Variants in DGKB observed in about 807,000 individuals in gnomAD.
DGKB encodes the protein 90 kDa diacylglycerol kinase.
A neutral mutation model predicts 114.3 loss-of-function variants in DGKB; 67 were observed. The observed-to-expected ratio is 0.59, with a 90% CI of 0.48 to 0.72. The LOEUF is 0.72. Among genes scored for constraint, DGKB ranks in the 30% least tolerant of loss-of-function variants. The pLI is 0.00. For missense variants in DGKB, 907 were observed against 975.2 expected (o/e 0.93, Z 0.93); for synonymous variants, 398 against 323.1 (o/e 1.23, Z -2.49).
chr7:14,701,962 CACTAAAAAGT>C (rs1825275844), intron 6 of DGKB, among the ~76,000 whole-genome samples: 1 of 152,088 alleles, frequency 6.6e-6, no homozygotes, highest in African/African-American at 2.4e-5. Flanking sequence ...TTCTAGAAGA[CACTAAAAAGT>C]ACTATTATTT....
intron 21 of DGKB, among the ~76,000 whole-genome samples, chr7:14,407,109 G>C (rs1163275644): frequency 6.6e-6 from 1 of 152,050 alleles, no homozygotes; most frequent in Non-Finnish European, 1.5e-5. Context: ...GTAGAAGTCA[G>C]AAAGTGAGGG....
intron 13 of DGKB, among the ~76,000 whole-genome samples, chr7:14,648,146 G>A (rs1042088925): frequency 6.6e-6 from 1 of 152,240 alleles, no homozygotes; most frequent in Non-Finnish European, 1.5e-5. Flanking sequence ...GCCCACCACA[G>A]CTCAAGGAGG....
Position 14,698,146 on chromosome 7 carries a change from C to A in DGKB, c.540G>T (p.Gln180His). The change falls in exon 8 of 26, where the codon CAG (glutamine) becomes CAT (histidine). Residue 180 changes from glutamine (Q) to histidine (H), a missense_variant. Coordinates refer to ENST00000402815, the MANE Select transcript of DGKB (RefSeq NM_001350709.2). ...DSSELENIIS[Q>H]MMHVAEYLEW... is the part of the protein sequence containing the mutation. ...CAAGGTATTCTGCAACATGCATCAT[C>A]TGACTGATGATATTTTCTAGCTCCT... The A allele has an allele frequency of 6.5e-7, 1 of 1,532,460 alleles. No individual in the cohort carries two copies. Among genetic ancestry groups the A allele is most frequent in the Non-Finnish European group, 8.7e-7 (1 of 1,143,678 alleles). 94.9% of individuals were successfully genotyped at this position (1,532,460 alleles called of 1,614,324 possible). A position where few individuals can be genotyped will look rare whatever the true frequency, so the allele number is the denominator to read the frequency against.
At chr7:14,531,698 G>A (rs1211773211) in intron 20 of DGKB, among the ~76,000 whole-genome samples, 4 of 151,216 alleles carry the variant, frequency 2.6e-5, no homozygotes, top group Non-Finnish European at 4.5e-5. Context: ...ATGATTCTAT[G>A]TGGAGAGAAA....
chr7:14,873,656 T>C (rs185744801), intron 1 of DGKB, among the ~76,000 whole-genome samples: 4 of 152,040 alleles, frequency 2.6e-5, no homozygotes, highest in East Asian at 3.9e-4. Context: ...TATATATATA[T>C]ACACATACAT....
intron 23 of DGKB, among the ~76,000 whole-genome samples, chr7:14,316,522 T>C (rs1806562560): frequency 7.7e-6 from 1 of 129,668 alleles, no homozygotes. Context: ...GCAAATAAAC[T>C]AGAAAATCTA....
At position 14,478,300 on chromosome 7, in the gene DGKB, A is replaced by C. The variant is rs923024456; in HGVS notation, c.1771-75T>G. 5 of 860,274 alleles carry C rather than the reference A, an allele frequency of 5.8e-6. No homozygotes were observed. In the African/African-American group the frequency reaches 6.9e-5, roughly 12 times the overall value. The allele number at this position is 860,274 out of a possible 1,614,324, so 53.3% of individuals were successfully genotyped here. On this transcript the variant is annotated intron_variant, in intron 20 of 25. Coordinates refer to ENST00000402815, the MANE Select transcript of DGKB (RefSeq NM_001350709.2). ...ATTTTATGAAAATGTAGACTAAATA[A>C]AAAAATAACATTTCAAAATGAACTT... is the stretch of plus-strand genomic sequence containing the variant.
chr7:14,830,825 A>G (rs1486767071), intron 2 of DGKB, among the ~76,000 whole-genome samples: 1 of 152,006 alleles, frequency 6.6e-6, no homozygotes, highest in Non-Finnish European at 1.5e-5. Flanking sequence ...GCCCCAAATT[A>G]TTTATTTTTC....
intron 13 of DGKB, among the ~76,000 whole-genome samples, chr7:14,654,547 T>A (rs1184591968): frequency 6.6e-6 from 1 of 152,008 alleles, no homozygotes; most frequent in African/African-American, 2.4e-5. Context: ...AATCCTAAAA[T>A]TTGTATTGAA....
chr7:14,393,419 T>C (rs1821737018), intron 21 of DGKB, among the ~76,000 whole-genome samples: 1 of 152,170 alleles, frequency 6.6e-6, no homozygotes, highest in South Asian at 2.1e-4. Context: ...TAGTATACCA[T>C]ATGATTTAAA....
intron 23 of DGKB, chr7:14,209,686 T>C (rs1787439612): frequency 3.3e-6 from 1 of 306,268 alleles, no homozygotes; most frequent in Non-Finnish European, 6.5e-6. Context: ...TTAAATAGTC[T>C]ATCTTCCCTA....
At chr7:14,388,829 G>A (rs1291310520) in intron 21 of DGKB, among the ~76,000 whole-genome samples, 3 of 152,128 alleles carry the variant, frequency 2.0e-5, no homozygotes, top group Admixed American at 6.5e-5. Flanking sequence ...TGAGGAAAGA[G>A]CACAGAGACA....
At chr7:14,481,346 C>T (rs1002083178) in intron 20 of DGKB, among the ~76,000 whole-genome samples, 9 of 151,916 alleles carry the variant, frequency 5.9e-5, no homozygotes, top group African/African-American at 2.2e-4. Context: ...TGGATCATAA[C>T]ATTTTCAATT....
rs3823843 is a variant in DGKB, at chr7:14,478,352, G to T, written c.1771-127C>A. 57 of 560,864 alleles carry T rather than the reference G, an allele frequency of 1.0e-4. 1 individual carries two copies. The highest frequency in any genetic ancestry group is 1.0e-3 in the African/African-American group (53 of 52,538). The allele number at this position is 560,864 out of a possible 1,614,324, so 34.7% of individuals were successfully genotyped here. On this transcript the variant is annotated intron_variant, in intron 20 of 25. Transcript: ENST00000402815. ...TATTTACAATATTATTGCCAAGAAG[G>T]TTATGTAAAATTAGGCAAAAATGTG...
intron 13 of DGKB, among the ~76,000 whole-genome samples, chr7:14,642,898 A>G (rs1224193939): frequency 1.3e-5 from 2 of 152,172 alleles, no homozygotes; most frequent in African/African-American, 2.4e-5. Flanking sequence ...TTTTAAGTCT[A>G]TTTTTAAAAT....
At chr7:14,326,267 T>A (rs182564076) in intron 23 of DGKB, among the ~76,000 whole-genome samples, 1 of 152,232 alleles carries the variant, frequency 6.6e-6, no homozygotes, top group East Asian at 1.9e-4. Flanking sequence ...ATAAACCAAT[T>A]GGTATGATAC....
Position 14,723,684 on chromosome 7 carries a change from A to G in DGKB, c.323-4999T>C, listed in dbSNP as rs567571192. ...TGTAATTAGAGCGTATTAGTCTTTT[A>G]GGAATAATTATCTTGTACTTAGCAT... On this transcript the variant is annotated intron_variant, in intron 5 of 25. Transcript: ENST00000402815. Among the ~76,000 whole-genome samples the G allele has an allele frequency of 3.8e-4, 58 of 152,326 alleles. No homozygotes were observed. The South Asian group carries it at 0.012, about 30-fold the overall frequency.
chr7:14,225,268 G>A (rs1790611432), intron 23 of DGKB, among the ~76,000 whole-genome samples: 3 of 152,156 alleles, frequency 2.0e-5, no homozygotes, highest in East Asian at 3.9e-4. Context: ...CAATAGTACA[G>A]TCTTTCTGCC....
intron 14 of DGKB, among the ~76,000 whole-genome samples, chr7:14,626,843 TTAAG>T (rs1240357934): frequency 5.9e-5 from 9 of 152,176 alleles, no homozygotes; most frequent in Non-Finnish European, 1.0e-4. Flanking sequence ...TTAAACTTAG[TTAAG>T]TAAGTACTTT....
Sources: gnomAD v4.1 joint callset for allele counts (sites outside exome capture counted in the v4.1 genomes callset) on GRCh38, gnomAD v4.1.1 for gene constraint, MANE v1.5 for transcripts, NCBI Gene and HGNC (gene_info 2026-07-23, HGNC 2026-07-21) for gene names.